The following DLG2 variants were observed in gnomAD, a reference collection of about 807,000 sequenced individuals.
DLG2 encodes the protein disks large homolog 2.
In DLG2, 45 loss-of-function variants were observed where a neutral mutation model predicts 132.5. The observed-to-expected ratio is 0.34, with a 90% CI of 0.27 to 0.44. DLG2 has a LOEUF of 0.44. Among genes scored for constraint, DLG2 ranks in the 20% least tolerant of loss-of-function variants. The pLI is 1.00. For synonymous variants in DLG2, 424 were observed against 419.6 expected, an observed-to-expected ratio of 1.01 and a Z score of -0.13; for missense variants, 1,045 against 1,196.9, an observed-to-expected ratio of 0.87 and a Z score of 1.87.
intron 6 of DLG2, among the ~76,000 whole-genome samples, chr11:84,817,736 T>A (rs1277522338): frequency 6.6e-6 from 1 of 151,958 alleles, no homozygotes; most frequent in Non-Finnish European, 1.5e-5. Context: ...GACGATTACT[T>A]TGGCAGGAAG....
At chr11:84,978,090 G>A (rs1457517726) in intron 6 of DLG2, among the ~76,000 whole-genome samples, 2 of 152,064 alleles carry the variant, frequency 1.3e-5, no homozygotes, top group African/African-American at 2.4e-5. Context: ...GGAAAATATT[G>A]TTTATATTTG....
At chr11:84,810,082 T>A (rs996877348) in intron 6 of DLG2, among the ~76,000 whole-genome samples, 1 of 152,070 alleles carries the variant, frequency 6.6e-6, no homozygotes, top group Non-Finnish European at 1.5e-5. Context: ...AAATGGATCA[T>A]TGATTTCATA....
intron 9 of DLG2, among the ~76,000 whole-genome samples, chr11:84,106,742 G>A (rs1204657142): frequency 6.6e-6 from 1 of 151,734 alleles, no homozygotes; most frequent in African/African-American, 2.4e-5. Context: ...AAGAGAGAAT[G>A]CCAGATTATT....
At chr11:85,168,758 G>T (rs531393893) in intron 4 of DLG2, among the ~76,000 whole-genome samples, 1 of 151,986 alleles carries the variant, frequency 6.6e-6, no homozygotes, top group Non-Finnish European at 1.5e-5. Context: ...CCTTTCACAT[G>T]CATTTCCAGC....
intron 10 of DLG2, among the ~76,000 whole-genome samples, chr11:84,067,556 CCACACACA>C (rs35165434): frequency 6.7e-6 from 1 of 148,752 alleles, no homozygotes; most frequent in Non-Finnish European, 1.5e-5. Context: ...ACACCCCCCA[CCACACACA>C]CACACACACA....
At chr11:83,691,058 A>G (rs1025463654) in intron 18 of DLG2, among the ~76,000 whole-genome samples, 35 of 152,316 alleles carry the variant, frequency 2.3e-4, no homozygotes, top group Middle Eastern at 3.4e-3. Context: ...ACTGGAGTCT[A>G]CTGGACATGT....
At chr11:84,348,807 A>G (rs1188263344) in intron 7 of DLG2, among the ~76,000 whole-genome samples, 1 of 152,204 alleles carries the variant, frequency 6.6e-6, no homozygotes, top group African/African-American at 2.4e-5. Context: ...GGATATCACC[A>G]TATGAAGACA....
chr11:84,971,203 A>C (rs1480213012), intron 6 of DLG2, among the ~76,000 whole-genome samples: 1 of 152,244 alleles, frequency 6.6e-6, no homozygotes, highest in Admixed American at 6.5e-5. Flanking sequence ...CATAGCGAAA[A>C]AATGTGTCCT....
chr11:84,150,714 C>T (rs1470531158), intron 9 of DLG2, among the ~76,000 whole-genome samples: 1 of 152,068 alleles, frequency 6.6e-6, no homozygotes, highest in Non-Finnish European at 1.5e-5. Flanking sequence ...ATGCTTCCAG[C>T]TTTGTCCATG....
chr11:84,820,438 G>C (rs1211687950), intron 6 of DLG2, among the ~76,000 whole-genome samples: 1 of 151,766 alleles, frequency 6.6e-6, no homozygotes, highest in Non-Finnish European at 1.5e-5. Context: ...ATCACGCTTT[G>C]CCCCTCTTAG....
At chr11:84,716,707 CA>C (rs397848908) in intron 6 of DLG2, among the ~76,000 whole-genome samples, 1,307 of 78,350 alleles carry the variant, frequency 0.017, 6 homozygotes, top group South Asian at 0.039. Context: ...TGGACAGGGG[CA>C]AAAAAAAAAA....
chr11:83,519,982 C>T (rs1170974423), intron 21 of DLG2, among the ~76,000 whole-genome samples: 2 of 152,116 alleles, frequency 1.3e-5, no homozygotes, highest in Non-Finnish European at 2.9e-5. Context: ...TACCTCATGC[C>T]CCAAATTCAT....
chr11:85,286,262 A>G (rs1354034251), intron 3 of DLG2: 1 of 272,022 alleles, frequency 3.7e-6, no homozygotes, highest in African/African-American at 2.3e-5. Flanking sequence ...AATGGATGGT[A>G]GATGATGGGA....
intron 3 of DLG2, among the ~76,000 whole-genome samples, chr11:85,425,831 G>A (rs1224291411): frequency 1.3e-5 from 2 of 152,152 alleles, no homozygotes; most frequent in South Asian, 2.1e-4. Flanking sequence ...AGCCGAAGCA[G>A]GGCAAGGCAT....
chr11:83,587,066 G>C (rs1217860887), intron 19 of DLG2, among the ~76,000 whole-genome samples: 1 of 152,186 alleles, frequency 6.6e-6, no homozygotes, highest in African/African-American at 2.4e-5. Context: ...AAAGGGTGTT[G>C]TGATGATTAC....
intron 3 of DLG2, among the ~76,000 whole-genome samples, chr11:85,351,125 A>G (rs908183338): frequency 1.3e-5 from 2 of 152,156 alleles, no homozygotes; most frequent in Non-Finnish European, 2.9e-5. Flanking sequence ...GGTCCTTCAC[A>G]TCCCATGTAA....
chr11:83,540,657 C>A (rs2096039624), intron 20 of DLG2, among the ~76,000 whole-genome samples: 2 of 152,162 alleles, frequency 1.3e-5, no homozygotes, highest in Admixed American at 1.3e-4. Flanking sequence ...AGTTCCATCT[C>A]CCCATTATGG....
chr11:85,583,048 GAAAAA>G (rs869261514), intron 3 of DLG2, among the ~76,000 whole-genome samples: 4 of 91,520 alleles, frequency 4.4e-5, no homozygotes, highest in African/African-American at 2.0e-4. Flanking sequence ...GAAACCAGGG[GAAAAA>G]AAAAATATAT....
intron 6 of DLG2, among the ~76,000 whole-genome samples, chr11:85,029,687 A>C (rs992094571): frequency 2.6e-5 from 4 of 152,176 alleles, no homozygotes; most frequent in Non-Finnish European, 4.4e-5. Flanking sequence ...TTTTCTGTAC[A>C]TTATGAACTA....
Sources: gnomAD v4.1 joint callset for allele counts (sites outside exome capture counted in the v4.1 genomes callset) on GRCh38, gnomAD v4.1.1 for gene constraint, MANE v1.5 for transcripts, NCBI Gene and HGNC (gene_info 2026-07-23, HGNC 2026-07-21) for gene names.